Variants in ZFHX3 observed in about 807,000 individuals in gnomAD.
The protein encoded by ZFHX3 is zinc finger homeobox 3, also known as zinc finger homeobox protein 3.
In ZFHX3, 42 loss-of-function variants were observed where a neutral mutation model predicts 279.1. The observed-to-expected ratio is 0.15, with a 90% CI of 0.12 to 0.19. The LOEUF (loss-of-function observed/expected upper bound fraction) is 0.19, where lower values mean the gene tolerates loss of function less well. Ranked by LOEUF, ZFHX3 falls within the 10% of genes least tolerant of loss-of-function variation. ZFHX3 has a pLI of 1.00. For missense variants in ZFHX3, 4,981 were observed against 4,754.0 expected (o/e 1.05, Z -1.40); for synonymous variants, 2,293 against 1,957.8 (o/e 1.17, Z -4.52).
chr16:73,518,105 G>T, intron 2 of ZFHX3, among the ~76,000 whole-genome samples: 1 of 152,078 alleles, frequency 6.6e-6, no homozygotes, highest in East Asian at 1.9e-4. Context: ...ACATATCTCA[G>T]TTAGGACTAG....
chr16:73,559,300 G>C (rs897755665), intron 2 of ZFHX3, among the ~76,000 whole-genome samples: 1 of 151,752 alleles, frequency 6.6e-6, no homozygotes, highest in Non-Finnish European at 1.5e-5. Flanking sequence ...TTCCTGCCTC[G>C]GCCTCCCAAA....
At chr16:72,806,246 T>C (rs2036261133) in intron 7 of ZFHX3, among the ~76,000 whole-genome samples, 1 of 152,210 alleles carries the variant, frequency 6.6e-6, no homozygotes, top group Admixed American at 6.6e-5. Flanking sequence ...AGGGCCGTGT[T>C]AACATTCATG....
intron 4 of ZFHX3, among the ~76,000 whole-genome samples, chr16:72,854,264 T>G (rs2037693991): frequency 6.6e-6 from 1 of 152,188 alleles, no homozygotes; most frequent in African/African-American, 2.4e-5. Context: ...TTTCTTTGCC[T>G]CCCATGTTTG....
At chr16:73,733,028 T>C (rs976976564) in intron 1 of ZFHX3, among the ~76,000 whole-genome samples, 1 of 152,190 alleles carries the variant, frequency 6.6e-6, no homozygotes, top group African/African-American at 2.4e-5. Flanking sequence ...ATTTTAATGT[T>C]AGGTGATGCT....
chr16:73,562,302 G>C (rs955202913), intron 2 of ZFHX3, among the ~76,000 whole-genome samples: 1 of 152,116 alleles, frequency 6.6e-6, no homozygotes, highest in Non-Finnish European at 1.5e-5. Context: ...ATCTTAAGAA[G>C]TGGCTATGAG....
At chr16:73,359,350 G>A (rs1259974904) in intron 3 of ZFHX3, among the ~76,000 whole-genome samples, 1 of 152,124 alleles carries the variant, frequency 6.6e-6, no homozygotes, top group East Asian at 1.9e-4. Flanking sequence ...GTGAATAAGA[G>A]GGCAAGAGGC....
intron 2 of ZFHX3, among the ~76,000 whole-genome samples, chr16:73,512,198 GGT>G (rs1055123904): frequency 3.3e-5 from 5 of 149,502 alleles, no homozygotes; most frequent in African/African-American, 1.2e-4. Context: ...GGGGGACCAA[GGT>G]GGGTGGATCA....
intron 4 of ZFHX3, among the ~76,000 whole-genome samples, chr16:72,864,597 C>T (rs1179676059): frequency 6.6e-6 from 1 of 152,200 alleles, no homozygotes; most frequent in Admixed American, 6.5e-5. Flanking sequence ...TTTCTCTAAA[C>T]TTGTGAATGA....
At chr16:73,297,693 A>G (rs1475912096) in intron 4 of ZFHX3, among the ~76,000 whole-genome samples, 1 of 151,924 alleles carries the variant, frequency 6.6e-6, no homozygotes, top group Non-Finnish European at 1.5e-5. Context: ...AATGCTGATG[A>G]GCTTTGGAGA....
At chr16:73,695,628 T>A (rs1271552956) in intron 1 of ZFHX3, among the ~76,000 whole-genome samples, 1 of 152,196 alleles carries the variant, frequency 6.6e-6, no homozygotes, top group Non-Finnish European at 1.5e-5. Context: ...CCTAGTTCCA[T>A]TTATTAGCAG....
chr16:73,449,564 A>T (rs566319767), intron 3 of ZFHX3, among the ~76,000 whole-genome samples: 1 of 152,360 alleles, frequency 6.6e-6, no homozygotes, highest in African/African-American at 2.4e-5. Flanking sequence ...AAAGGTAAAT[A>T]AAAAACAATG....
At chr16:73,574,816 A>T (rs1458086580) in intron 2 of ZFHX3, among the ~76,000 whole-genome samples, 3 of 152,052 alleles carry the variant, frequency 2.0e-5, no homozygotes, top group Non-Finnish European at 4.4e-5. Context: ...ACCACCACCA[A>T]CTGCCATGAT....
At chr16:73,403,043 C>T (rs1271449113) in intron 3 of ZFHX3, among the ~76,000 whole-genome samples, 3 of 152,112 alleles carry the variant, frequency 2.0e-5, no homozygotes, top group Non-Finnish European at 4.4e-5. Flanking sequence ...GGCACACACA[C>T]GTGTGTGCAT....
chr16:73,182,564 G>A (rs902619936), intron 5 of ZFHX3, among the ~76,000 whole-genome samples: 5 of 152,234 alleles, frequency 3.3e-5, no homozygotes, highest in East Asian at 1.9e-4. Flanking sequence ...GAAAGAAATC[G>A]TTACATCAGA....
At chr16:73,100,577 C>CTT (rs368465486) in intron 7 of ZFHX3, among the ~76,000 whole-genome samples, 2,150 of 143,592 alleles carry the variant, frequency 0.015, 54 homozygotes, top group African/African-American at 0.051. Context: ...GAATTCCCCT[C>CTT]TTTTTTTTTT....
chr16:73,857,014 G>A (rs189248646), intron 1 of ZFHX3, among the ~76,000 whole-genome samples: 1 of 152,318 alleles, frequency 6.6e-6, no homozygotes, highest in Non-Finnish European at 1.5e-5. Flanking sequence ...CAAACAGAGT[G>A]CCGAGGTAAT....
At chr16:73,590,484 T>C (rs2051982871) in intron 2 of ZFHX3, among the ~76,000 whole-genome samples, 1 of 152,098 alleles carries the variant, frequency 6.6e-6, no homozygotes, top group South Asian at 2.1e-4. Flanking sequence ...TGGCTACAAG[T>C]GGGTCAAGAG....
intron 2 of ZFHX3, among the ~76,000 whole-genome samples, chr16:73,573,583 G>A (rs1381686752): frequency 1.3e-5 from 2 of 152,222 alleles, no homozygotes; most frequent in Admixed American, 6.5e-5. Context: ...CGTTACAGTC[G>A]TGGTTCATAC....
chr16:72,898,015 C>T (rs1437649654), intron 3 of ZFHX3, among the ~76,000 whole-genome samples: 1 of 152,170 alleles, frequency 6.6e-6, no homozygotes, highest in African/African-American at 2.4e-5. Flanking sequence ...GAAAATCCTT[C>T]CAGGGGTAAC....
Sources: allele counts gnomAD v4.1 joint callset (sites outside exome capture counted in the v4.1 genomes callset), GRCh38; gene constraint gnomAD v4.1.1; transcripts MANE v1.5; gene names NCBI Gene and HGNC (gene_info 2026-07-23, HGNC 2026-07-21).